The following ASTN2 variants were observed in gnomAD, a reference collection of about 807,000 sequenced individuals.
The protein encoded by ASTN2 is astrotactin-2.
In ASTN2, 54 loss-of-function variants were observed where a neutral mutation model predicts 139.8. That is an observed-to-expected ratio of 0.39 (90% CI 0.31 to 0.48). The LOEUF (loss-of-function observed/expected upper bound fraction) is 0.48. Ranked by LOEUF, ASTN2 falls within the 20% of genes least tolerant of loss-of-function variation. ASTN2 has a pLI of 0.95. For synonymous variants in ASTN2, 756 were observed against 719.5 expected (o/e 1.05, Z -0.81); for missense variants, 1,565 against 1,725.1 (o/e 0.91, Z 1.64).
chr9:116,578,678 C>T (rs1212726126), intron 19 of ASTN2, among the ~76,000 whole-genome samples: 1 of 142,470 alleles, frequency 7.0e-6, no homozygotes, highest in Non-Finnish European at 1.5e-5. Flanking sequence ...TTCTACTGTA[C>T]AGTACCAATC....
chr9:116,996,744 A>G (rs532033018), intron 7 of ASTN2, among the ~76,000 whole-genome samples: 12 of 152,206 alleles, frequency 7.9e-5, no homozygotes, highest in African/African-American at 2.2e-4. Flanking sequence ...AACACTCTCA[A>G]TTCCAACCTA....
chr9:117,410,571 G>A (rs150592009), intron 1 of ASTN2, among the ~76,000 whole-genome samples: 16 of 152,294 alleles, frequency 1.1e-4, no homozygotes, highest in Middle Eastern at 3.4e-3. Context: ...GGGGATAAAT[G>A]ACTTATTCAA....
At chr9:116,905,931 T>G (rs554170130) in intron 10 of ASTN2, among the ~76,000 whole-genome samples, 13 of 151,660 alleles carry the variant, frequency 8.6e-5, no homozygotes, top group Non-Finnish European at 4.4e-5. Flanking sequence ...TTCAGAGATG[T>G]GGAAAATGCT....
At chr9:117,298,670 G>GTATATA (rs148601803) in intron 1 of ASTN2, among the ~76,000 whole-genome samples, 9,982 of 136,200 alleles carry the variant, frequency 0.073, 455 homozygotes, top group East Asian at 0.13. Flanking sequence ...ATATATATGT[G>GTATATA]TATATATATA....
intron 13 of ASTN2, among the ~76,000 whole-genome samples, chr9:116,794,073 C>CAAAA (rs1173081924): frequency 7.0e-6 from 1 of 142,386 alleles, no homozygotes; most frequent in Non-Finnish European, 1.5e-5. Context: ...CAAAACAAAA[C>CAAAA]AAAACAAAAC....
intron 4 of ASTN2, among the ~76,000 whole-genome samples, chr9:117,099,020 T>C (rs1587961544): frequency 1.3e-5 from 2 of 151,098 alleles, no homozygotes; most frequent in East Asian, 3.9e-4. Context: ...GGCAGGAGAA[T>C]TGCTTGAACC....
At chr9:116,725,321 T>C (rs571654986) in intron 16 of ASTN2, among the ~76,000 whole-genome samples, 2 of 151,846 alleles carry the variant, frequency 1.3e-5, no homozygotes, top group Non-Finnish European at 2.9e-5. Flanking sequence ...TGCTTGGTTA[T>C]GAGGTGATTG....
chr9:117,128,353 C>CA (rs1432337794), intron 4 of ASTN2, among the ~76,000 whole-genome samples: 1 of 106,452 alleles, frequency 9.4e-6, no homozygotes, highest in East Asian at 2.9e-4. Context: ...AGCCTGGTGA[C>CA]AGAGTGAGAC....
intron 19 of ASTN2, among the ~76,000 whole-genome samples, chr9:116,590,066 G>A (rs1043716293): frequency 3.3e-5 from 5 of 152,298 alleles, no homozygotes; most frequent in African/African-American, 9.6e-5. Flanking sequence ...CAAAGACACC[G>A]GCTGCAGCAG....
At chr9:117,175,384 A>C (rs1830892367) in intron 3 of ASTN2, among the ~76,000 whole-genome samples, 1 of 152,154 alleles carries the variant, frequency 6.6e-6, no homozygotes, top group African/African-American at 2.4e-5. Flanking sequence ...TGAGTCTGTA[A>C]ATTGAATGTA....
rs548761483 is a variant in ASTN2, at chr9:116,766,926, AAC to A, written c.2397-33405_2397-33404del. On this transcript the variant is annotated intron_variant, in intron 13 of 22. Transcript: ENST00000313400. ...ACACACACATTCATACTTACACATAAACACACACATTCATACTTATACACCTA... is the reference window on the plus strand; with the variant it reads ...ACACACACATTCATACTTACACATAAACACACATTCATACTTATACACCTA... Among the ~76,000 whole-genome samples, 16 of 151,720 alleles carry A rather than the reference AAC, an allele frequency of 1.1e-4. No homozygotes were observed. The East Asian group carries it at 2.9e-3, about 28-fold the overall frequency.
intron 7 of ASTN2, among the ~76,000 whole-genome samples, chr9:117,005,418 T>C (rs1446625782): frequency 2.0e-5 from 3 of 152,128 alleles, no homozygotes; most frequent in Admixed American, 6.5e-5. Context: ...AATACAAGTT[T>C]AATTTTTTCC....
intron 19 of ASTN2, among the ~76,000 whole-genome samples, chr9:116,489,737 C>T (rs1849452846): frequency 6.6e-6 from 1 of 152,236 alleles, no homozygotes; most frequent in African/African-American, 2.4e-5. Flanking sequence ...TGGGATTCAG[C>T]CGAACAACAG....
intron 13 of ASTN2, among the ~76,000 whole-genome samples, chr9:116,744,549 G>C (rs977195051): frequency 6.6e-6 from 1 of 152,132 alleles, no homozygotes; most frequent in African/African-American, 2.4e-5. Context: ...ACAGAATACA[G>C]AGAAGAGGCA....
intron 15 of ASTN2, among the ~76,000 whole-genome samples, chr9:116,726,965 A>T (rs1828642345): frequency 6.6e-6 from 1 of 151,364 alleles, no homozygotes; most frequent in South Asian, 2.1e-4. Context: ...CCTGAATGTG[A>T]CCTGAAATTT....
chr9:116,697,706 C>A, intron 16 of ASTN2: 1 of 1,612,428 alleles, frequency 6.2e-7, no homozygotes, highest in Non-Finnish European at 8.5e-7. Context: ...CTGTTCAGTT[C>A]TGAGCTGTGC....
In ASTN2 at chr9:116,699,618, C is replaced by T. The variant is rs769128859; in HGVS notation, c.2806+26153G>A. The T allele has an allele frequency of 1.7e-5, 27 of 1,614,022 alleles. No homozygotes were observed. The highest frequency in any genetic ancestry group is 1.6e-4 in the Middle Eastern group (1 of 6,084). On this transcript the variant is annotated intron_variant, in intron 16 of 22. Coordinates refer to ENST00000313400, the MANE Select transcript of ASTN2 (RefSeq NM_001365068.1). The surrounding 1 kb of genome is among the most constrained non-coding windows in gnomAD (Gnocchi z 4.2). ...CTGTCCGGTGGGCATAGCCCTAACT[C>T]CTAAGGGGCAGCTGCTGGTCTTGGA...
chr9:116,583,740 C>G (rs1854040787), intron 19 of ASTN2: 1 of 152,116 alleles, frequency 6.6e-6, no homozygotes, highest in Non-Finnish European at 1.5e-5. Flanking sequence ...CACCTTGAGT[C>G]TGAAATGGCA....
chr9:116,461,507 T>C (rs527854784), intron 20 of ASTN2, among the ~76,000 whole-genome samples: 1 of 152,234 alleles, frequency 6.6e-6, no homozygotes. Flanking sequence ...TGCACCTAGA[T>C]TGTGGTCTCT....
Sources: gnomAD v4.1 joint callset for allele counts (sites outside exome capture counted in the v4.1 genomes callset) on GRCh38, gnomAD v4.1.1 for gene constraint, Gnocchi (gnomAD v3.1) non-coding constraint, MANE v1.5 for transcripts, NCBI Gene and HGNC (gene_info 2026-07-23, HGNC 2026-07-21) for gene names.